The following AKAIN1 variants were observed in gnomAD, a reference collection of about 807,000 sequenced individuals.
The protein encoded by AKAIN1 is A-kinase anchor protein inhibitor 1.
A neutral mutation model predicts 3.7 loss-of-function variants in AKAIN1; 3 were observed. The observed-to-expected ratio is 0.82, with a 90% CI of 0.37 to 2.12. AKAIN1 has a LOEUF of 2.12. Among genes scored for constraint, AKAIN1 ranks in the 30% most tolerant of loss-of-function variants. AKAIN1 has a pLI of 0.06. For missense variants in AKAIN1, 82 were observed against 82.7 expected, an observed-to-expected ratio of 0.99 and a Z score of 0.03; for synonymous variants, 31 against 30.8, an observed-to-expected ratio of 1.01 and a Z score of -0.02.
chr18:5,197,435 G>T (rs377001519), upstream of AKAIN1: 2 of 1,190,348 alleles, frequency 1.7e-6, no homozygotes. This position sits in a 1 kb window ranked among gnomAD's most constrained non-coding sequence, Gnocchi z 6.9. Flanking sequence ...AGGGGACAGT[G>T]AATTGCTTTT....
chr18:5,190,754 C>T (rs1034628040), intron 1 of AKAIN1, among the ~76,000 whole-genome samples: 1 of 152,106 alleles, frequency 6.6e-6, no homozygotes, highest in Non-Finnish European at 1.5e-5. Context: ...TCCTAACTTG[C>T]ATATGAATGC....
At chr18:5,191,996 T>A (rs1434220746) in intron 1 of AKAIN1, among the ~76,000 whole-genome samples, 1 of 152,210 alleles carries the variant, frequency 6.6e-6, no homozygotes, top group East Asian at 1.9e-4. Flanking sequence ...AATAATTTTG[T>A]GCATCAAACA....
At chr18:5,194,382 G>A (rs2071336920) in intron 1 of AKAIN1, among the ~76,000 whole-genome samples, 1 of 152,092 alleles carries the variant, frequency 6.6e-6, no homozygotes, top group South Asian at 2.1e-4. Context: ...CAAATACCCT[G>A]TCCAATTTAA....
rs879566296 is a variant in AKAIN1 at position 5,143,243 on chromosome 18, T to C, written c.*2319A>G. Among the ~76,000 whole-genome samples the C allele has an allele frequency of 2.0e-5, 3 of 152,218 alleles. No homozygotes were observed. Among genetic ancestry groups the C allele is most frequent in the Non-Finnish European group, 4.4e-5 (3 of 68,042 alleles). On this transcript the variant is annotated 3_prime_UTR_variant, in exon 2 of 2. Transcript: ENST00000434239. ...TCATACTGAAAGATCTGTAAAAGTT[T>C]ATAGGTCTTTAACTCGTTTGTTTTT...
intron 1 of AKAIN1, among the ~76,000 whole-genome samples, chr18:5,183,758 C>G (rs535406702): frequency 6.6e-6 from 1 of 152,008 alleles, no homozygotes; most frequent in Non-Finnish European, 1.5e-5. Flanking sequence ...GATTAGTTTC[C>G]CATGAGCCTC....
intron 1 of AKAIN1, among the ~76,000 whole-genome samples, chr18:5,194,341 C>T (rs111420339): frequency 2.3e-4 from 35 of 152,244 alleles, no homozygotes; most frequent in African/African-American, 6.5e-4. Context: ...TAGAATTGAA[C>T]TGTCTGCCTC....
intron 1 of AKAIN1, among the ~76,000 whole-genome samples, chr18:5,179,472 G>C (rs1015453365): frequency 6.6e-6 from 1 of 151,702 alleles, no homozygotes; most frequent in Non-Finnish European, 1.5e-5. Context: ...ATCATCTGTT[G>C]ATGGATACTT....
chr18:5,171,633 A>T (rs1413500990), intron 1 of AKAIN1, among the ~76,000 whole-genome samples: 1 of 152,184 alleles, frequency 6.6e-6, no homozygotes, highest in Non-Finnish European at 1.5e-5. Flanking sequence ...TCAAAACTAC[A>T]ATGAAATATC....
chr18:5,144,055 C>T lies in AKAIN1; in HGVS notation c.*1507G>A. On this transcript the variant is annotated 3_prime_UTR_variant, in exon 2 of 2. Transcript: ENST00000434239. ...GGCATGAATTCTGCTAAAAGAAATA[C>T]TTGTGAGTAAACAATCTTTAAATTT... Among the ~76,000 whole-genome samples the T allele has an allele frequency of 6.6e-6, 1 of 152,164 alleles. No homozygotes were observed. The highest frequency in any genetic ancestry group is 1.5e-5 in the Non-Finnish European group (1 of 68,032).
In AKAIN1 at chr18:5,158,543, A is replaced by G. The variant is rs16947797; in HGVS notation, c.17-12788T>C. On this transcript the variant is annotated intron_variant, in intron 1 of 1. Coordinates refer to ENST00000434239, the MANE Select transcript of AKAIN1 (RefSeq NM_001145194.2). ...CTCCTCTTCCCTTTGCATGCCTGCA[A>G]ACTTCTAAAGGGGTCAGTTCTCCAC... Among the ~76,000 whole-genome samples the G allele has an allele frequency of 8.1e-3, 1,239 of 152,268 alleles. 20 individuals carry two copies. The highest frequency in any genetic ancestry group is 0.027 in the African/African-American group (1,140 of 41,548).
rs138893301 is a variant in AKAIN1 at position 5,196,727 on chromosome 18, C to G, written c.16+311G>C. Among the ~76,000 whole-genome samples the G allele has an allele frequency of 4.1e-3, 631 of 152,288 alleles. 5 individuals are homozygous for G. The highest frequency in any genetic ancestry group is 0.013 in the African/African-American group (540 of 41,574). On this transcript the variant is annotated intron_variant, in intron 1 of 1. Coordinates refer to ENST00000434239, the MANE Select transcript of AKAIN1 (RefSeq NM_001145194.2). Reference sequence around the variant, plus strand: ...TCCACTCTCTTGCCCGTGTAGGTGCCGGTGCTGCTGGCGAAAGTCCCAGTT... The same window carrying G: ...TCCACTCTCTTGCCCGTGTAGGTGCGGGTGCTGCTGGCGAAAGTCCCAGTT...
chr18:5,168,309 A>G (rs769100442), intron 1 of AKAIN1, among the ~76,000 whole-genome samples: 5 of 152,130 alleles, frequency 3.3e-5, no homozygotes, highest in Non-Finnish European at 7.4e-5. Context: ...CGTGGCTTGA[A>G]TGTAACCTTT....
At chr18:5,168,240 T>TAGTTATAGC (rs1167710205) in intron 1 of AKAIN1, among the ~76,000 whole-genome samples, 2 of 152,114 alleles carry the variant, frequency 1.3e-5, no homozygotes, top group Non-Finnish European at 2.9e-5. Context: ...GAAGGAAACC[T>TAGTTATAGC]AGTTATAGCA....
At chr18:5,168,377 T>C (rs2071178360) in intron 1 of AKAIN1, among the ~76,000 whole-genome samples, 1 of 152,124 alleles carries the variant, frequency 6.6e-6, no homozygotes, top group Non-Finnish European at 1.5e-5. Flanking sequence ...CACTGTCTAC[T>C]ACCTGTAAAG....
rs57135787 is a variant in AKAIN1 at position 5,161,534 on chromosome 18, T to C, written c.17-15779A>G. Among the ~76,000 whole-genome samples the C allele has an allele frequency of 7.2e-3, 1,096 of 152,192 alleles. 18 individuals are homozygous for C. Among genetic ancestry groups the C allele is most frequent in the African/African-American group, 0.024 (1,014 of 41,558 alleles). ...ATTTATTTATTTATTTACTTACTTA[T>C]TCACCTTTCTATGCTGGTTGGAGCC... On this transcript the variant is annotated intron_variant, in intron 1 of 1. Coordinates refer to ENST00000434239, the MANE Select transcript of AKAIN1 (RefSeq NM_001145194.2).
chr18:5,145,080 A>ACCCACTT lies in AKAIN1; in HGVS notation c.*475_*481dup, dbSNP rs1335899128. On this transcript the variant is annotated 3_prime_UTR_variant, in exon 2 of 2. Coordinates refer to ENST00000434239, the MANE Select transcript of AKAIN1 (RefSeq NM_001145194.2). ...TTTCTTAATTTGATCTTAGACCTGA[A>ACCCACTT]CCCACTTAAAGCCTTCAATTTCACA... Among the ~76,000 whole-genome samples the ACCCACTT allele has an allele frequency of 6.6e-6, 1 of 152,156 alleles. No individual in the cohort carries two copies. Among genetic ancestry groups the ACCCACTT allele is most frequent in the African/African-American group, 2.4e-5 (1 of 41,428 alleles).
At chr18:5,183,424 CT>C (rs2071270232) in intron 1 of AKAIN1, among the ~76,000 whole-genome samples, 1 of 151,806 alleles carries the variant, frequency 6.6e-6, no homozygotes, top group Non-Finnish European at 1.5e-5. Flanking sequence ...ATTTCTGAAA[CT>C]ACAGCAAAAA....
At chr18:5,179,124 T>C (rs1415829748) in intron 1 of AKAIN1, among the ~76,000 whole-genome samples, 1 of 152,102 alleles carries the variant, frequency 6.6e-6, no homozygotes, top group Non-Finnish European at 1.5e-5. Context: ...GTGGTGAAGT[T>C]TGGGCTTTTT....
Position 5,175,402 on chromosome 18 carries a change from G to A in AKAIN1, c.16+21636C>T, listed in dbSNP as rs535942158. 2.0e-5 allele frequency among the ~76,000 whole-genome samples: 3 copies of A among 152,222 alleles called. No homozygotes were observed. The South Asian group carries it at 6.2e-4, about 32-fold the overall frequency. ...TGCTTAGAACACGAAAAGAGATCAT[G>A]GCATCCTAGGAAACATAAACAACGA... On this transcript the variant is annotated intron_variant, in intron 1 of 1. Coordinates refer to ENST00000434239, the MANE Select transcript of AKAIN1 (RefSeq NM_001145194.2).
Sources: gnomAD v4.1 joint callset for allele counts (sites outside exome capture counted in the v4.1 genomes callset) on GRCh38, gnomAD v4.1.1 for gene constraint, Gnocchi (gnomAD v3.1) non-coding constraint, MANE v1.5 for transcripts, NCBI Gene and HGNC (gene_info 2026-07-23, HGNC 2026-07-21) for gene names.